TNS3: variants seen among roughly 807,000 people sequenced by gnomAD.
The protein encoded by TNS3 is tensin 3, also known as tensin-3.
TNS3 carries 45 observed loss-of-function variants against 140.9 expected under a neutral mutation model. The observed-to-expected ratio is 0.32, with a 90% CI of 0.25 to 0.41. The LOEUF is 0.41. Ranked by LOEUF, TNS3 falls within the 10% of genes least tolerant of loss-of-function variation. The pLI is 1.00. For missense variants in TNS3, 1,716 were observed against 1,906.7 expected, an observed-to-expected ratio of 0.90 and a Z score of 1.86; for synonymous variants, 815 against 788.4, an observed-to-expected ratio of 1.03 and a Z score of -0.56.
intron 1 of TNS3, among the ~76,000 whole-genome samples, chr7:47,560,814 T>A (rs1800305881): frequency 6.6e-6 from 1 of 152,114 alleles, no homozygotes; most frequent in Admixed American, 6.5e-5. Flanking sequence ...AAGTCCTCAG[T>A]GAGGAACCCA....
chr7:47,486,123 ACTGTGGATAT>A (rs1028976435), intron 3 of TNS3, among the ~76,000 whole-genome samples: 1 of 151,618 alleles, frequency 6.6e-6, no homozygotes, highest in African/African-American at 2.4e-5. Context: ...GGTATATTTT[ACTGTGGATAT>A]CTGCAAATAT....
intron 3 of TNS3, among the ~76,000 whole-genome samples, chr7:47,506,218 C>A (rs191157635): frequency 6.6e-6 from 1 of 152,312 alleles, no homozygotes; most frequent in East Asian, 1.9e-4. Flanking sequence ...GTAAGTACAG[C>A]CACCATCCCC....
chr7:47,575,930 A>G (rs1800665541), intron 1 of TNS3, among the ~76,000 whole-genome samples: 1 of 151,610 alleles, frequency 6.6e-6, no homozygotes, highest in African/African-American at 2.4e-5. Context: ...TCCTGCGTGC[A>G]GGACAAGAGA....
chr7:47,299,788 T>G (rs913670706), intron 23 of TNS3, among the ~76,000 whole-genome samples: 1 of 152,088 alleles, frequency 6.6e-6, no homozygotes, highest in African/African-American at 2.4e-5. Context: ...TGTGCTGAAG[T>G]TGGAAAAACG....
chr7:47,506,512 A>C (rs1798422203), intron 3 of TNS3, among the ~76,000 whole-genome samples: 1 of 151,576 alleles, frequency 6.6e-6, no homozygotes, highest in Admixed American at 6.6e-5. Flanking sequence ...ATGCACAACT[A>C]TCTCCAAAAT....
intron 3 of TNS3, among the ~76,000 whole-genome samples, chr7:47,503,003 T>C (rs1798282770): frequency 6.6e-6 from 1 of 152,070 alleles, no homozygotes; most frequent in Non-Finnish European, 1.5e-5. Flanking sequence ...GGTAGGAGGT[T>C]CTGTGTTTTT....
At chr7:47,509,972 G>A (rs563066860) in intron 2 of TNS3, among the ~76,000 whole-genome samples, 5 of 152,320 alleles carry the variant, frequency 3.3e-5, no homozygotes, top group Admixed American at 1.3e-4. Flanking sequence ...GCACTAACAC[G>A]AGTAACAGGC....
At chr7:47,447,358 G>A (rs1467236864) in intron 4 of TNS3, among the ~76,000 whole-genome samples, 1 of 152,090 alleles carries the variant, frequency 6.6e-6, no homozygotes, top group Non-Finnish European at 1.5e-5. Context: ...GTGGGCGAGA[G>A]CAGACTAAGC....
At chr7:47,371,455 C>G (rs1163940530) in intron 16 of TNS3, among the ~76,000 whole-genome samples, 1 of 152,184 alleles carries the variant, frequency 6.6e-6, no homozygotes, top group Admixed American at 6.5e-5. Context: ...GGTGCACTGG[C>G]CCTGAAACCT....
Position 47,392,635 on chromosome 7 carries a change from G to A in TNS3, c.1024+4165C>T, listed in dbSNP as rs967731515. Among the ~76,000 whole-genome samples, 6 of 152,230 alleles carry A rather than the reference G, an allele frequency of 3.9e-5. No individual in the cohort carries two copies. The East Asian group carries it at 1.2e-3, about 29-fold the overall frequency. ...AGACTAAAGCCCTGGTGGGAATGCG[G>A]CTGGGACTCAGCCTTTCACCCGCCA... is the stretch of plus-strand genomic sequence containing the variant. On this transcript the variant is annotated intron_variant, in intron 16 of 30. Transcript: ENST00000311160.
At chr7:47,414,079 G>A (rs1281110551) in intron 11 of TNS3, 82 bp from the exon 12 acceptor site, 24 of 1,442,816 alleles carry the variant, frequency 1.7e-5, no homozygotes, top group South Asian at 4.6e-5. Flanking sequence ...GACAGAAAGC[G>A]ACGAGGAGAC....
At chr7:47,446,800 C>G (rs968046797) in intron 4 of TNS3, among the ~76,000 whole-genome samples, 4 of 149,914 alleles carry the variant, frequency 2.7e-5, no homozygotes, top group Admixed American at 6.8e-5. Context: ...TCAGATCATC[C>G]TCCCACCTCA....
intron 20 of TNS3, among the ~76,000 whole-genome samples, chr7:47,326,700 C>G (rs1316605484): frequency 6.6e-6 from 1 of 152,144 alleles, no homozygotes; most frequent in Admixed American, 6.5e-5. Context: ...CCGTCCTAAC[C>G]AGACAATCTC....
intron 2 of TNS3, 92 bp downstream of exon 2, chr7:47,528,944 C>T (rs1185888824): frequency 2.7e-6 from 2 of 741,300 alleles, no homozygotes; most frequent in African/African-American, 3.7e-5. Context: ...CATGATTTAA[C>T]TTTCGGAAAC....
At position 47,303,542 on chromosome 7, in the gene TNS3, C is replaced by T. The variant is rs777993953; in HGVS notation, c.2865G>A (p.Lys955=). The change falls in exon 22 of 31, where the codon AAG becomes AAA. Residue 955 remains lysine (K), a synonymous_variant. Coordinates refer to ENST00000311160, the MANE Select transcript of TNS3 (RefSeq NM_022748.12). ...AERQWVESSP[K]PMVSLLGSGR... ...CGCTCCCCAGCAGGGAAACCATGGG[C>T]TTGGGGCTGCTCTCCACCCACTGGC... is the stretch of plus-strand genomic sequence containing the variant. 1.2e-6 allele frequency: 2 copies of T among 1,603,352 alleles called. No individual in the cohort carries two copies. Among genetic ancestry groups the T allele is most frequent in the South Asian group, 2.2e-5 (2 of 90,286 alleles).
intron 1 of TNS3, among the ~76,000 whole-genome samples, chr7:47,555,871 A>T (rs1042395030): frequency 6.6e-6 from 1 of 152,188 alleles, no homozygotes; most frequent in Admixed American, 6.5e-5. Context: ...AACTTACTTT[A>T]TCTCAATATT....
chr7:47,365,317 C>T (rs1180312223), intron 17 of TNS3, among the ~76,000 whole-genome samples: 5 of 151,908 alleles, frequency 3.3e-5, no homozygotes, highest in South Asian at 2.1e-4. Flanking sequence ...TGGAGGTGCA[C>T]GCCTGTAGTC....
chr7:47,437,414 A>T (rs542274776), intron 6 of TNS3, 101 bp from the exon 7 acceptor site: 96 of 445,132 alleles, frequency 2.2e-4, no homozygotes, highest in Middle Eastern at 8.5e-4. Flanking sequence ...CTAATTTTTT[A>T]AAAAAATATC....
chr7:47,279,223 C>A (rs561922295), intron 30 of TNS3: 1 of 152,350 alleles, frequency 6.6e-6, no homozygotes, highest in Non-Finnish European at 1.5e-5. Context: ...TGATCAGGCA[C>A]TGTGGTCATT....
Sources: gnomAD v4.1 joint callset for allele counts (sites outside exome capture counted in the v4.1 genomes callset) on GRCh38, gnomAD v4.1.1 for gene constraint, MANE v1.5 for transcripts, NCBI Gene and HGNC (gene_info 2026-07-23, HGNC 2026-07-21) for gene names.